PEBP4: variants seen among roughly 807,000 people sequenced by gnomAD.
PEBP4 encodes the protein phosphatidylethanolamine binding protein 4, also known as phosphatidylethanolamine-binding protein 4.
A neutral mutation model predicts 23.9 loss-of-function variants in PEBP4; 22 were observed. The ratio of observed to expected loss-of-function variants is 0.92; its 90% CI spans 0.66 to 1.31. PEBP4 has a LOEUF of 1.31. Ranked by LOEUF, PEBP4 falls within the 40% of genes most tolerant of loss-of-function variation. The pLI, the probability that PEBP4 is intolerant of heterozygous loss-of-function variation, is 0.00. For missense variants in PEBP4, 324 were observed against 281.7 expected (o/e 1.15, Z -1.07); for synonymous variants, 112 against 99.3 (o/e 1.13, Z -0.76).
chr8:22,860,209 C>CATATATATGTATATATATACACAT (rs200272561), intron 3 of PEBP4, among the ~76,000 whole-genome samples: 1 of 106,204 alleles, frequency 9.4e-6, no homozygotes, highest in African/African-American at 4.1e-5. Context: ...TATATATACA[C>CATATATATGTATATATATACACAT]ATATATGTAT....
Position 22,865,387 on chromosome 8 carries a change from G to A in PEBP4, c.259-47652C>T, listed in dbSNP as rs1807868600. ...TGACGGTGGCGGTGGCGGTGGCGGCGGCGGGACCCCGGGCCTGGCTGCGCG... is the reference window on the plus strand; with the variant it reads ...TGACGGTGGCGGTGGCGGTGGCGGCAGCGGGACCCCGGGCCTGGCTGCGCG... On this transcript the variant is annotated intron_variant, in intron 3 of 6. Transcript: ENST00000256404. The surrounding 1 kb of genome is among the most constrained non-coding windows in gnomAD (Gnocchi z 6.9). Among the ~76,000 whole-genome samples the A allele has an allele frequency of 6.7e-6, 1 of 150,342 alleles. No homozygotes were observed. The highest frequency in any genetic ancestry group is 2.0e-4 in the East Asian group (1 of 5,008).
chr8:22,740,128 C>T (rs545352437), intron 4 of PEBP4, among the ~76,000 whole-genome samples: 2 of 152,110 alleles, frequency 1.3e-5, no homozygotes, highest in Non-Finnish European at 2.9e-5. Context: ...AGGCCTGGGG[C>T]TGCTTTGTGA....
At chr8:22,889,257 A>G (rs17088708) in intron 3 of PEBP4, among the ~76,000 whole-genome samples, 1,825 of 152,342 alleles carry the variant, frequency 0.012, 20 homozygotes, top group African/African-American at 0.041. Flanking sequence ...AGAAGCACCC[A>G]TTTTGGAGCT....
chr8:22,916,328 T>G (rs1024385265), intron 3 of PEBP4, among the ~76,000 whole-genome samples: 4 of 152,226 alleles, frequency 2.6e-5, no homozygotes, highest in African/African-American at 9.7e-5. Flanking sequence ...TGTTTGCCTC[T>G]TCATGTTTGT....
intron 6 of PEBP4, 150 bp downstream of exon 6, chr8:22,724,693 A>G: frequency 1.6e-6 from 1 of 636,230 alleles, no homozygotes; most frequent in Non-Finnish European, 2.8e-6. Context: ...CACTCCTTCC[A>G]GTTCACTCCC....
chr8:22,910,237 G>T (rs952604595), intron 3 of PEBP4, among the ~76,000 whole-genome samples: 8 of 152,246 alleles, frequency 5.3e-5, no homozygotes, highest in Admixed American at 5.2e-4. Flanking sequence ...CAGCACTGAC[G>T]TGCTACAAAT....
intron 3 of PEBP4, among the ~76,000 whole-genome samples, chr8:22,851,931 A>T (rs1807560321): frequency 6.6e-6 from 1 of 152,092 alleles, no homozygotes; most frequent in East Asian, 1.9e-4. Flanking sequence ...CTCTGACCCC[A>T]GCGCCCAGCT....
At position 22,779,266 on chromosome 8, in the gene PEBP4, A is replaced by G. The variant is rs1437107661; in HGVS notation, c.357+38371T>C. On this transcript the variant is annotated intron_variant, in intron 4 of 6. Coordinates refer to ENST00000256404, the MANE Select transcript of PEBP4 (RefSeq NM_144962.3). Reference sequence around the variant, plus strand: ...TATTTGGATTCACCTGTTTTCCAAAAACCTCTGATGTACCAGGCACGGGTG... The same window carrying G: ...TATTTGGATTCACCTGTTTTCCAAAGACCTCTGATGTACCAGGCACGGGTG... 2.6e-5 allele frequency among the ~76,000 whole-genome samples: 4 copies of G among 152,242 alleles called. No individual in the cohort carries two copies. The East Asian group carries it at 7.7e-4, about 29-fold the overall frequency.
At chr8:22,719,011 A>G (rs1342641343) in intron 6 of PEBP4, among the ~76,000 whole-genome samples, 4 of 151,994 alleles carry the variant, frequency 2.6e-5, no homozygotes, top group Non-Finnish European at 5.9e-5. Flanking sequence ...CGAGGCCTGC[A>G]TGCCTTCAGA....
rs199888583 is a variant in PEBP4, at chr8:22,713,526, T to C, written c.528A>G (p.Lys176=). 8.6e-5 allele frequency: 138 copies of C among 1,613,994 alleles called. No individual in the cohort carries two copies. Among genetic ancestry groups the C allele is most frequent in the Non-Finnish European group, 9.7e-5 (115 of 1,179,988 alleles). Residue 176 remains lysine (K), a synonymous_variant, in exon 7 of 7, where the codon AAA becomes AAG. Transcript: ENST00000256404. ...GGAAACGGTTCAGAAATCTGTCCAT[T>C]TTCCAAGAGCCTGGAAGGACAAACA... ...PKENKTRGSW[K]MDRFLNRFHL... is the part of the protein sequence containing the mutation.
chr8:22,920,136 C>T, intron 3 of PEBP4, 48 bp downstream of exon 3: 1 of 1,583,668 alleles, frequency 6.3e-7, no homozygotes, highest in Non-Finnish European at 8.6e-7. Context: ...GGAGGAACAT[C>T]AAGACCCCCA....
At chr8:22,742,346 G>A (rs779222536) in intron 4 of PEBP4, among the ~76,000 whole-genome samples, 14 of 152,216 alleles carry the variant, frequency 9.2e-5, no homozygotes, top group Non-Finnish European at 1.8e-4. Context: ...CTGCACCAGC[G>A]GGGTGGGCTC....
intron 3 of PEBP4, among the ~76,000 whole-genome samples, chr8:22,881,116 T>C (rs1808247013): frequency 6.6e-6 from 1 of 152,216 alleles, no homozygotes; most frequent in Non-Finnish European, 1.5e-5. Flanking sequence ...TATTCCTACC[T>C]CTCCCTCTTG....
At chr8:22,877,589 T>C (rs1192660067) in intron 3 of PEBP4, among the ~76,000 whole-genome samples, 1 of 152,102 alleles carries the variant, frequency 6.6e-6, no homozygotes, top group South Asian at 2.1e-4. Context: ...GCGGGCTCAC[T>C]GTTGGCAGCG....
chr8:22,911,268 G>A (rs2128778871), intron 3 of PEBP4, among the ~76,000 whole-genome samples: 2 of 152,256 alleles, frequency 1.3e-5, no homozygotes, highest in South Asian at 4.2e-4. Context: ...ACATGTCAGG[G>A]GTGCGCTGGT....
At chr8:22,716,986 C>A (rs1585233474) in intron 6 of PEBP4, among the ~76,000 whole-genome samples, 1 of 152,224 alleles carries the variant, frequency 6.6e-6, no homozygotes, top group East Asian at 1.9e-4. Flanking sequence ...GTGGCCTTGG[C>A]CAGCAGTAGA....
intron 4 of PEBP4, among the ~76,000 whole-genome samples, chr8:22,793,247 A>G (rs1806176570): frequency 6.6e-6 from 1 of 152,032 alleles, no homozygotes. Flanking sequence ...ATTCACCTTC[A>G]ACCATTTTAA....
chr8:22,716,975 G>A (rs1194931004), intron 6 of PEBP4, among the ~76,000 whole-genome samples: 1 of 152,212 alleles, frequency 6.6e-6, no homozygotes, highest in Non-Finnish European at 1.5e-5. Context: ...TCCTTCAAAG[G>A]GTGGCCTTGG....
At chr8:22,928,898 T>C (rs1274702274), upstream of PEBP4, among the ~76,000 whole-genome samples, 1 of 152,360 alleles carries the variant, frequency 6.6e-6, no homozygotes, top group Non-Finnish European at 1.5e-5. Flanking sequence ...TTCAGCATAG[T>C]CTGCTTTCTG....
Sources: gnomAD v4.1 joint callset for allele counts (sites outside exome capture counted in the v4.1 genomes callset) on GRCh38, gnomAD v4.1.1 for gene constraint, Gnocchi (gnomAD v3.1) non-coding constraint, MANE v1.5 for transcripts, NCBI Gene and HGNC (gene_info 2026-07-23, HGNC 2026-07-21) for gene names.